Variants in PTPRT observed in about 807,000 individuals in gnomAD.
PTPRT encodes protein tyrosine phosphatase receptor type T.
A neutral mutation model predicts 176.8 loss-of-function variants in PTPRT; 56 were observed. That is an observed-to-expected ratio of 0.32 (90% CI 0.26 to 0.40). PTPRT has a LOEUF of 0.40. PTPRT is among the 10% of genes least tolerant of loss of function. The probability of loss-of-function intolerance (pLI) is 1.00; values close to 1 mark genes in which losing one functional copy is unlikely to be tolerated. For missense variants in PTPRT, 1,540 were observed against 1,908.2 expected (o/e 0.81, Z 3.60); for synonymous variants, 783 against 739.0 (o/e 1.06, Z -0.96).
Position 42,199,402 on chromosome 20 carries a change from G to A in PTPRT, c.2343-14C>T. On this transcript the variant is annotated splice_polypyrimidine_tract_variant and intron_variant, in intron 15 of 30. Transcript: ENST00000373187. ...TTGGCCAGCTTCCTTTGGGACATGTGCAAGGGGAAAAAACCACAGTCAGAT... is the reference window on the plus strand; with the variant it reads ...TTGGCCAGCTTCCTTTGGGACATGTACAAGGGGAAAAAACCACAGTCAGAT... 1 of 1,611,128 alleles carries A rather than the reference G, an allele frequency of 6.2e-7. No individual in the cohort carries two copies. The highest frequency in any genetic ancestry group is 8.5e-7 in the Non-Finnish European group (1 of 1,178,712).
intron 1 of PTPRT, among the ~76,000 whole-genome samples, chr20:43,183,028 T>C (rs568914827): frequency 1.3e-5 from 2 of 152,332 alleles, no homozygotes; most frequent in East Asian, 1.9e-4. Context: ...TTAATTTTAA[T>C]AGACATTGCC....
chr20:42,924,322 C>G (rs1979346912), intron 1 of PTPRT, among the ~76,000 whole-genome samples: 1 of 152,160 alleles, frequency 6.6e-6, no homozygotes, highest in South Asian at 2.1e-4. Context: ...CTAGGAAGGC[C>G]ATGGCATTTG....
chr20:42,633,787 ATAT>A (rs2074467921), intron 7 of PTPRT, among the ~76,000 whole-genome samples: 67 of 11,574 alleles, frequency 5.8e-3, no homozygotes, highest in Non-Finnish European at 0.01. Context: ...CTCTGAAAAT[ATAT>A]ATATATATAT....
intron 9 of PTPRT, among the ~76,000 whole-genome samples, chr20:42,376,357 G>A (rs1174209644): frequency 1.3e-5 from 2 of 152,172 alleles, no homozygotes; most frequent in East Asian, 3.9e-4. Flanking sequence ...CTCTCCCTGA[G>A]AGAACTTCTC....
In PTPRT at chr20:42,691,977, G is replaced by A. The variant is rs187916551; in HGVS notation, c.860-13818C>T. On this transcript the variant is annotated intron_variant, in intron 6 of 30. Transcript: ENST00000373187. ...TAGGTATTTCTAACATCTTATTCATGTATTTCTCAAGCATAGGCCCAGGGA... is the reference window on the plus strand; with the variant it reads ...TAGGTATTTCTAACATCTTATTCATATATTTCTCAAGCATAGGCCCAGGGA... Among the ~76,000 whole-genome samples, 206 of 152,286 alleles carry A rather than the reference G, an allele frequency of 1.4e-3. 1 individual carries two copies. Among genetic ancestry groups the A allele is most frequent in the African/African-American group, 4.8e-3 (198 of 41,538 alleles).
chr20:43,096,924 G>C (rs1243212842), intron 1 of PTPRT, among the ~76,000 whole-genome samples: 1 of 152,186 alleles, frequency 6.6e-6, no homozygotes, highest in African/African-American at 2.4e-5. Flanking sequence ...CCAGCACACA[G>C]GCAGGATTGC....
chr20:42,428,871 C>G (rs2059190644), intron 9 of PTPRT, among the ~76,000 whole-genome samples: 2 of 152,230 alleles, frequency 1.3e-5, no homozygotes, highest in South Asian at 4.1e-4. Flanking sequence ...GGTTTCCAAG[C>G]CAAGGCTAGA....
In PTPRT at chr20:42,119,989, A is replaced by C. The variant is rs1038665672; in HGVS notation, c.2848-18T>G. 6 of 1,603,182 alleles carry C rather than the reference A, an allele frequency of 3.7e-6. No individual in the cohort carries two copies. The highest frequency in any genetic ancestry group is 5.1e-6 in the Non-Finnish European group (6 of 1,174,390). On this transcript the variant is annotated intron_variant, in intron 19 of 30. Transcript: ENST00000373187. ...TGGTATCCCTGGATAACAGGAGAAA[A>C]GCACTGTGAAGAGTCTGTTGTCAAA...
intron 9 of PTPRT, among the ~76,000 whole-genome samples, chr20:42,389,866 A>AAAAAAAG (rs140956099): frequency 1.2e-4 from 16 of 138,430 alleles, no homozygotes; most frequent in African/African-American, 4.3e-4. Context: ...AAAAAAAAAA[A>AAAAAAAG]AAAGAAAGAA....
At chr20:42,896,832 T>A (rs538817997) in intron 1 of PTPRT, among the ~76,000 whole-genome samples, 48 of 152,214 alleles carry the variant, frequency 3.2e-4, no homozygotes, top group Non-Finnish European at 6.3e-4. Context: ...TGCCAACAAA[T>A]GCTTTGAAGG....
intron 15 of PTPRT, among the ~76,000 whole-genome samples, chr20:42,220,753 A>G (rs1294990045): frequency 6.6e-6 from 1 of 152,224 alleles, no homozygotes; most frequent in Non-Finnish European, 1.5e-5. Flanking sequence ...CCCTTTTTAT[A>G]GGATACTATA....
intron 11 of PTPRT, among the ~76,000 whole-genome samples, chr20:42,335,147 G>A (rs989092125): frequency 6.6e-6 from 1 of 152,210 alleles, no homozygotes; most frequent in Non-Finnish European, 1.5e-5. Context: ...TCTGATGTTG[G>A]AGTAGTCAAG....
At chr20:43,016,942 T>C (rs1042920612) in intron 1 of PTPRT, among the ~76,000 whole-genome samples, 5 of 152,170 alleles carry the variant, frequency 3.3e-5, no homozygotes, top group African/African-American at 1.2e-4. Context: ...TGTTTCTCCC[T>C]TTCAGGGCAG....
intron 12 of PTPRT, among the ~76,000 whole-genome samples, chr20:42,285,836 TA>T (rs1221763662): frequency 6.6e-6 from 1 of 151,782 alleles, no homozygotes; most frequent in Non-Finnish European, 1.5e-5. Flanking sequence ...GCAAATTCAG[TA>T]AAGTTGCAGA....
At chr20:42,837,220 A>G (rs1216488063) in intron 2 of PTPRT, among the ~76,000 whole-genome samples, 1 of 152,206 alleles carries the variant, frequency 6.6e-6, no homozygotes, top group East Asian at 1.9e-4. Flanking sequence ...GAGCCCACAG[A>G]GGCCCATCCG....
chr20:42,845,337 T>C (rs2078351420), intron 2 of PTPRT, among the ~76,000 whole-genome samples: 1 of 152,224 alleles, frequency 6.6e-6, no homozygotes, highest in African/African-American at 2.4e-5. Flanking sequence ...GGGAGTGTTA[T>C]ATTGGTTGGT....
chr20:43,111,591 T>C (rs1005231696), intron 1 of PTPRT, among the ~76,000 whole-genome samples: 2 of 151,266 alleles, frequency 1.3e-5, no homozygotes, highest in African/African-American at 4.9e-5. Context: ...TAATGGGACT[T>C]GTATATCCAC....
At chr20:42,115,454 A>G (rs1365041070) in intron 21 of PTPRT, 139 bp from the exon 22 acceptor site, 4 of 663,356 alleles carry the variant, frequency 6.0e-6, no homozygotes, top group South Asian at 1.7e-5. Flanking sequence ...ATTTCAGTCC[A>G]CAGGGTTCAC....
chr20:42,471,335 T>C (rs549752191), intron 8 of PTPRT, among the ~76,000 whole-genome samples: 1 of 152,300 alleles, frequency 6.6e-6, no homozygotes, highest in African/African-American at 2.4e-5. Context: ...AACTGTAATC[T>C]TCAGTGCTGG....
Sources: allele counts gnomAD v4.1 joint callset (sites outside exome capture counted in the v4.1 genomes callset), GRCh38; gene constraint gnomAD v4.1.1; transcripts MANE v1.5; gene names NCBI Gene and HGNC (gene_info 2026-07-23, HGNC 2026-07-21).